The following PKHD1L1 variants were observed in gnomAD, a reference collection of about 807,000 sequenced individuals.
PKHD1L1 encodes PKHD1 like 1.
In PKHD1L1, 434 loss-of-function variants were observed where a neutral mutation model predicts 462.9. The ratio of observed to expected loss-of-function variants is 0.94; its 90% CI spans 0.87 to 1.02. The LOEUF (loss-of-function observed/expected upper bound fraction) is 1.02, where lower values mean the gene tolerates loss of function less well. Among genes scored for constraint, PKHD1L1 ranks in the 50% least tolerant of loss-of-function variants. PKHD1L1 has a pLI of 0.00. For missense variants in PKHD1L1, 5,202 were observed against 5,096.1 expected (o/e 1.02, Z -0.63); for synonymous variants, 1,781 against 1,750.0 (o/e 1.02, Z -0.44).
intron 49 of PKHD1L1, among the ~76,000 whole-genome samples, 199 bp from the exon 50 acceptor site, chr8:109,466,379 A>G (rs942527059): frequency 5.9e-5 from 9 of 152,104 alleles, no homozygotes; most frequent in African/African-American, 2.2e-4. Context: ...TAAATCTACA[A>G]TAATATTCCT....
chr8:109,507,574 T>A lies in PKHD1L1; in HGVS notation c.10995-89T>A, dbSNP rs1297675991. 3 of 1,124,092 alleles carry A rather than the reference T, an allele frequency of 2.7e-6. No individual in the cohort carries two copies. The African/African-American group carries it at 4.7e-5, about 18-fold the overall frequency. 69.6% of individuals were successfully genotyped at this position (1,124,092 alleles called of 1,614,324 possible). On this transcript the variant is annotated intron_variant, in intron 68 of 77. Coordinates refer to ENST00000378402, the MANE Select transcript of PKHD1L1 (RefSeq NM_177531.6). ...CTGAAATAAAATTCAATAGATCAAT[T>A]TTTTTGGATATCCTCTAAGTAAATA... is the stretch of plus-strand genomic sequence containing the variant.
At chr8:109,449,282 CAGA>C (rs1405082460) in intron 39 of PKHD1L1, 53 bp from the exon 40 acceptor site, 35 of 1,476,556 alleles carry the variant, frequency 2.4e-5, no homozygotes, top group East Asian at 5.0e-5. Flanking sequence ...AATATGTACA[CAGA>C]AGAAGTTTTA....
At chr8:109,507,034 G>A (rs1339731831) in intron 68 of PKHD1L1, among the ~76,000 whole-genome samples, 1 of 152,034 alleles carries the variant, frequency 6.6e-6, no homozygotes, top group African/African-American at 2.4e-5. Flanking sequence ...TTTATCTATA[G>A]AATGGTTACT....
chr8:109,537,100 T>C lies in PKHD1L1; in HGVS notation c.*7010T>C, dbSNP rs115049929. Among the ~76,000 whole-genome samples, 570 of 152,366 alleles carry C rather than the reference T, an allele frequency of 3.7e-3. 3 individuals are homozygous for C. The highest frequency in any genetic ancestry group is 0.013 in the African/African-American group (541 of 41,588). On this transcript the variant is annotated 3_prime_UTR_variant, in exon 78 of 78. Coordinates refer to ENST00000378402, the MANE Select transcript of PKHD1L1 (RefSeq NM_177531.6). ...ATGTATCTGCTCAAAGATGTCACTC[T>C]ATGTGCGGCAAAGCTTTGTTTTACT...
At chr8:109,519,362 C>A (rs1820432957) in intron 73 of PKHD1L1, among the ~76,000 whole-genome samples, 2 of 152,106 alleles carry the variant, frequency 1.3e-5, no homozygotes, top group Admixed American at 6.6e-5. Flanking sequence ...CCATCTGCTC[C>A]TTTCAAGTTG....
chr8:109,460,971 G>T (rs1817090729), intron 47 of PKHD1L1, among the ~76,000 whole-genome samples: 1 of 152,098 alleles, frequency 6.6e-6, no homozygotes, highest in African/African-American at 2.4e-5. Context: ...AAGGGTCATT[G>T]GTCAGAACTG....
chr8:109,397,620 G>A (rs1287717524), intron 11 of PKHD1L1, among the ~76,000 whole-genome samples: 1 of 152,146 alleles, frequency 6.6e-6, no homozygotes, highest in Admixed American at 6.6e-5. Context: ...AACCCAGGAG[G>A]TGGAGGCTAC....
In PKHD1L1 at chr8:109,412,253, T is replaced by C. The variant is rs769439351; in HGVS notation, c.2086-12T>C. The C allele has an allele frequency of 4.3e-6, 7 of 1,611,586 alleles. No individual in the cohort carries two copies. The East Asian group carries it at 1.6e-4, about 36-fold the overall frequency. Reference sequence around the variant, plus strand: ...AATCATGTTTTCATTTGAAATATTATTGTTTCGGTAGGAACATATTAACAG... The same window carrying C: ...AATCATGTTTTCATTTGAAATATTACTGTTTCGGTAGGAACATATTAACAG... On this transcript the variant is annotated splice_polypyrimidine_tract_variant and intron_variant, in intron 19 of 77. Coordinates refer to ENST00000378402, the MANE Select transcript of PKHD1L1 (RefSeq NM_177531.6).
rs1821141268 is a variant in PKHD1L1 at position 109,536,070 on chromosome 8, T to C, written c.*5980T>C. ...TTTCCCTTTGTTAATATATTGCTAG[T>C]AGACATGTCTACTTCTGGTTGCTGA... On this transcript the variant is annotated 3_prime_UTR_variant, in exon 78 of 78. Transcript: ENST00000378402. Among the ~76,000 whole-genome samples the C allele has an allele frequency of 6.6e-6, 1 of 152,186 alleles. No homozygotes were observed. Among genetic ancestry groups the C allele is most frequent in the Non-Finnish European group, 1.5e-5 (1 of 68,034 alleles).
chr8:109,404,711 C>A lies in PKHD1L1; in HGVS notation c.1531C>A (p.Gln511Lys). 1 of 1,598,236 alleles carries A rather than the reference C, an allele frequency of 6.3e-7. No homozygotes were observed. The highest frequency in any genetic ancestry group is 8.5e-7 in the Non-Finnish European group (1 of 1,172,678). The stretch of plus-strand genomic sequence containing the variant: ...CCAGTCGACAATCCTCCAGGAAGTA[C>A]AGGTTTGCTATGATTGCAGTTCCTC... ...KSQSTILQEV[Q>K]VITLENWETT... Residue 511 changes from glutamine (Q) to lysine (K), a missense_variant and splice_region_variant, in exon 15 of 78, where the codon CAG becomes AAG. By Grantham distance (53) the Gln-to-Lys change is moderately conservative. Transcript: ENST00000378402.
chr8:109,399,264 A>G (rs1032969306), intron 12 of PKHD1L1, among the ~76,000 whole-genome samples: 7 of 152,196 alleles, frequency 4.6e-5, no homozygotes, highest in African/African-American at 1.2e-4. Context: ...AAAATTGTGT[A>G]TATCACTAGA....
At chr8:109,373,419 C>G (rs577442271) in intron 2 of PKHD1L1, among the ~76,000 whole-genome samples, 52 of 152,048 alleles carry the variant, frequency 3.4e-4, no homozygotes, top group Non-Finnish European at 6.2e-4. Context: ...GTCCTGCTAG[C>G]GGTCTATCAA....
At chr8:109,365,497 G>T (rs1487247488) in intron 2 of PKHD1L1, among the ~76,000 whole-genome samples, 2 of 152,004 alleles carry the variant, frequency 1.3e-5, no homozygotes, top group African/African-American at 2.4e-5. Context: ...ATATATTTTG[G>T]ATTAAAGTGT....
At chr8:109,474,773 A>G (rs564368956) in intron 50 of PKHD1L1, among the ~76,000 whole-genome samples, 7 of 152,226 alleles carry the variant, frequency 4.6e-5, no homozygotes, top group African/African-American at 1.4e-4. Context: ...ATATTTAGGC[A>G]CTTTCGTTTT....
At chr8:109,507,572 A>AT in intron 68 of PKHD1L1, 91 bp from the exon 69 acceptor site, 1 of 1,110,210 alleles carries the variant, frequency 9.0e-7, no homozygotes, top group Non-Finnish European at 1.3e-6. Context: ...CAATAGATCA[A>AT]TTTTTTTGGA....
At chr8:109,387,975 G>A (rs1280673571) in intron 6 of PKHD1L1, among the ~76,000 whole-genome samples, 1 of 152,128 alleles carries the variant, frequency 6.6e-6, no homozygotes, top group East Asian at 1.9e-4. Flanking sequence ...TGTTTTCCCT[G>A]CAGCTGAACT....
intron 4 of PKHD1L1, among the ~76,000 whole-genome samples, chr8:109,383,243 AAC>A (rs1206973287): frequency 3.3e-5 from 3 of 92,092 alleles, no homozygotes; most frequent in Non-Finnish European, 6.3e-5. Flanking sequence ...AGTTATATAT[AAC>A]ATATATAATA....
chr8:109,496,922 A>G lies in PKHD1L1; in HGVS notation c.10331A>G (p.Gln3444Arg). Reference sequence around the variant, plus strand: ...TGGTTCTATATTTCCCTCCAAGGCCAGTTTAATCCTGTGGAAAAGTGGTTT... The same window carrying G: ...TGGTTCTATATTTCCCTCCAAGGCCGGTTTAATCCTGTGGAAAAGTGGTTT... ...YRIDGEPCPG[Q>R]FNPVEKWFDN... Residue 3444 changes from glutamine to arginine, a missense_variant, in exon 64 of 78, where the codon CAG (glutamine) becomes CGG (arginine). Gln to Arg is a conservative substitution (Grantham distance 43). Around this residue, in one of 3 missense-constraint regions of PKHD1L1, gnomAD observed 4,497 missense variants for 4,336.8 expected, o/e 1.04. Coordinates refer to ENST00000378402, the MANE Select transcript of PKHD1L1 (RefSeq NM_177531.6). 6.2e-7 allele frequency: 1 copy of G among 1,609,940 alleles called. No homozygotes were observed. The highest frequency in any genetic ancestry group is 8.5e-7 in the Non-Finnish European group (1 of 1,177,964).
chr8:109,414,669 AG>A (rs950972533), intron 21 of PKHD1L1, among the ~76,000 whole-genome samples: 2 of 152,164 alleles, frequency 1.3e-5, no homozygotes, highest in African/African-American at 2.4e-5. Context: ...ATCGTAGAAT[AG>A]AACTCTGTAA....
Sources: gnomAD v4.1 joint callset for allele counts (sites outside exome capture counted in the v4.1 genomes callset) on GRCh38, gnomAD v4.1.1 for gene constraint, gnomAD v4.1.1 regional missense constraint, MANE v1.5 for transcripts, NCBI Gene and HGNC (gene_info 2026-07-23, HGNC 2026-07-21) for gene names.